The following CENPL variants were observed in gnomAD, a reference collection of about 807,000 sequenced individuals.
CENPL encodes interphase centromere complex protein 33.
A neutral mutation model predicts 35.2 loss-of-function variants in CENPL; 20 were observed. The observed-to-expected ratio is 0.57, with a 90% CI of 0.40 to 0.83. CENPL has a LOEUF of 0.83. Ranked by LOEUF, CENPL falls within the 40% of genes least tolerant of loss-of-function variation. The pLI is 0.00. For missense variants in CENPL, 363 were observed against 395.8 expected, an observed-to-expected ratio of 0.92 and a Z score of 0.70; for synonymous variants, 140 against 140.6, an observed-to-expected ratio of 1.00 and a Z score of 0.03.
At chr1:173,805,327 G>A (rs1451354381) in intron 4 of CENPL, among the ~76,000 whole-genome samples, 2 of 152,070 alleles carry the variant, frequency 1.3e-5, no homozygotes, top group Non-Finnish European at 2.9e-5. Context: ...GACCAGCCTG[G>A]GCAACACGGT....
intron 4 of CENPL, among the ~76,000 whole-genome samples, chr1:173,806,265 A>G (rs192688708): frequency 0.01 from 1,556 of 152,328 alleles, 16 homozygotes; most frequent in South Asian, 0.027. Context: ...CAAAAGAAAC[A>G]GAAGCAGCAG....
chr1:173,811,651 A>G (rs1650832529), intron 2 of CENPL, among the ~76,000 whole-genome samples: 1 of 152,248 alleles, frequency 6.6e-6, no homozygotes, highest in Admixed American at 6.5e-5. Flanking sequence ...ATAGTCATTA[A>G]GCACATTCTA....
At chr1:173,801,518 GA>G (rs370586813) in intron 5 of CENPL, among the ~76,000 whole-genome samples, 105 of 129,060 alleles carry the variant, frequency 8.1e-4, no homozygotes, top group Admixed American at 1.5e-3. Context: ...CATCTCGAAG[GA>G]AAAAAAAAAA....
Position 173,803,238 on chromosome 1 carries a change from T to C in CENPL, c.688A>G (p.Met230Val), listed in dbSNP as rs962493885. ...WMAAMWTACK[M>V]DHYVATTEFL... Reference sequence around the variant, plus strand: ...TCAGTAGTAGCCACATAATGGTCCATTTTGCATGCAGTCCACATGGCAGCC... The same window carrying C: ...TCAGTAGTAGCCACATAATGGTCCACTTTGCATGCAGTCCACATGGCAGCC... The change falls in exon 5 of 6, where the codon ATG becomes GTG. Residue 230 changes from methionine to valine, a missense_variant. Physicochemically the swap from Met to Val is conservative, Grantham distance 21 (BLOSUM62 1). Coordinates refer to ENST00000682279, the MANE Select transcript of CENPL (RefSeq NM_001387287.1). 21 of 1,613,946 alleles carry C rather than the reference T, an allele frequency of 1.3e-5. No homozygotes were observed. The highest frequency in any genetic ancestry group is 1.8e-5 in the Non-Finnish European group (21 of 1,179,902).
chr1:173,822,742 A>G (rs1652078880), intron 2 of CENPL: 1 of 151,940 alleles, frequency 6.6e-6, no homozygotes, highest in South Asian at 2.1e-4. Context: ...AAATTCTCAC[A>G]TATTTCTTTT....
At chr1:173,817,662 C>T (rs1457220978) in intron 2 of CENPL, among the ~76,000 whole-genome samples, 2 of 152,152 alleles carry the variant, frequency 1.3e-5, no homozygotes, top group African/African-American at 4.8e-5. Context: ...TGGGTATATA[C>T]CCAAAGGATT....
chr1:173,807,221 C>T (rs776808879), intron 4 of CENPL, 46 bp downstream of exon 4: 1 of 1,464,038 alleles, frequency 6.8e-7, no homozygotes, highest in Non-Finnish European at 9.1e-7. Context: ...TCAAACAAGA[C>T]ATAATACTTT....
At chr1:173,804,490 T>A (rs1341981772) in intron 4 of CENPL, among the ~76,000 whole-genome samples, 1 of 152,222 alleles carries the variant, frequency 6.6e-6, no homozygotes, top group Non-Finnish European at 1.5e-5. Context: ...AAAGCTCTGA[T>A]TCGGGGAAGG....
chr1:173,808,034 T>C (rs1650400116), intron 3 of CENPL, among the ~76,000 whole-genome samples: 1 of 152,210 alleles, frequency 6.6e-6, no homozygotes, highest in South Asian at 2.1e-4. Flanking sequence ...AATTTATGTT[T>C]CACTTTTAGA....
At chr1:173,812,348 C>T (rs1455029750) in intron 2 of CENPL, among the ~76,000 whole-genome samples, 1 of 152,258 alleles carries the variant, frequency 6.6e-6, no homozygotes. Flanking sequence ...GCACTAAGAA[C>T]AGACAGACTG....
intron 2 of CENPL, among the ~76,000 whole-genome samples, chr1:173,817,374 C>T (rs1266529574): frequency 6.6e-6 from 1 of 152,176 alleles, no homozygotes; most frequent in Non-Finnish European, 1.5e-5. Flanking sequence ...CAAAAGAAGA[C>T]ATTTATGAAG....
intron 5 of CENPL, among the ~76,000 whole-genome samples, chr1:173,801,438 C>T (rs974655093): frequency 2.0e-5 from 3 of 150,972 alleles, no homozygotes; most frequent in Non-Finnish European, 4.4e-5. Flanking sequence ...TGCTTGAACC[C>T]AGGAGGCGGA....
At chr1:173,800,768 G>C (rs1289849595) in intron 5 of CENPL, among the ~76,000 whole-genome samples, 2 of 151,176 alleles carry the variant, frequency 1.3e-5, no homozygotes, top group South Asian at 2.1e-4. Context: ...GGCAACAAAG[G>C]GAGACCTCAT....
chr1:173,800,570 T>C, intron 5 of CENPL, 51 bp from the exon 6 acceptor site: 1 of 725,358 alleles, frequency 1.4e-6, no homozygotes, highest in Non-Finnish European at 2.4e-6. Context: ...GTATTAATTA[T>C]AACAAAGCAG....
chr1:173,819,761 G>C (rs375440086), intron 2 of CENPL, among the ~76,000 whole-genome samples: 3 of 151,912 alleles, frequency 2.0e-5, no homozygotes, highest in South Asian at 4.1e-4. Flanking sequence ...GCGCGATCTC[G>C]GCTCACTGCA....
Position 173,811,308 on chromosome 1 carries a change from TG to T in CENPL, c.-7-3del. On this transcript the variant is annotated splice_region_variant and splice_polypyrimidine_tract_variant and intron_variant, in intron 2 of 5. Coordinates refer to ENST00000682279, the MANE Select transcript of CENPL (RefSeq NM_001387287.1). ...GCACTGTAAGAATCCATGGTCTGTC[TG>T]CATAAGAAGAAACAAAACCAGAATT... 6.3e-7 allele frequency: 1 copy of T among 1,576,808 alleles called. No homozygotes were observed. The highest frequency in any genetic ancestry group is 8.7e-7 in the Non-Finnish European group (1 of 1,154,838).
intron 3 of CENPL, chr1:173,808,411 A>G (rs1230998126): frequency 6.8e-6 from 1 of 148,042 alleles, no homozygotes; most frequent in African/African-American, 2.5e-5. Flanking sequence ...CTCTGCCTTA[A>G]AAAAAAAAAA....
At position 173,800,497 on chromosome 1, in the gene CENPL, A is replaced by G. The variant is rs1185860910; in HGVS notation, c.986T>C (p.Ile329Thr). 3 of 1,484,762 alleles carry G rather than the reference A, an allele frequency of 2.0e-6. No homozygotes were observed. Among genetic ancestry groups the G allele is most frequent in the Non-Finnish European group, 2.8e-6 (3 of 1,065,456 alleles). 92.0% of individuals were successfully genotyped at this position (1,484,762 alleles called of 1,614,324 possible). The stretch of plus-strand genomic sequence containing the variant: ...TTCTGTCAAATATGCTAACACTCCA[A>G]TAAGGTATTTATGACACAGAATCTG... Reference protein sequence around the residue: ...KIKILCHKYLIGVLAYLTELA... With the variant: ...KIKILCHKYLTGVLAYLTELA... The change falls in exon 6 of 6, where the codon ATT (isoleucine) becomes ACT (threonine). Residue 329 changes from isoleucine to threonine, a missense_variant. Ile to Thr is a moderately conservative substitution (Grantham distance 89). Transcript: ENST00000682279.
intron 4 of CENPL, chr1:173,806,681 T>C (rs922584297): frequency 4.6e-5 from 8 of 175,040 alleles, no homozygotes; most frequent in African/African-American, 1.7e-4. Context: ...ACCAGATTTA[T>C]TTATTTATTT....
Sources: gnomAD v4.1 joint callset for allele counts (sites outside exome capture counted in the v4.1 genomes callset) on GRCh38, gnomAD v4.1.1 for gene constraint, MANE v1.5 for transcripts, NCBI Gene and HGNC (gene_info 2026-07-23, HGNC 2026-07-21) for gene names.